Variants in MAMLD1 observed in about 807,000 individuals in gnomAD.
MAMLD1 encodes the protein mastermind like domain containing 1, also known as mastermind-like domain-containing protein 1.
In MAMLD1, 14 loss-of-function variants were observed where a neutral mutation model predicts 45.0. The ratio of observed to expected loss-of-function variants is 0.31; its 90% CI spans 0.21 to 0.49. The LOEUF is 0.49. Ranked by LOEUF, MAMLD1 falls within the 20% of genes least tolerant of loss-of-function variation. The pLI is 0.99. For synonymous variants in MAMLD1, 254 were observed against 247.8 expected (o/e 1.02, Z -0.24); for missense variants, 543 against 603.6 (o/e 0.90, Z 1.05).
chrX:150,429,035 G>T (rs2034819551), intron 1 of MAMLD1, among the ~76,000 whole-genome samples: 1 of 111,686 alleles, frequency 9.0e-6, no homozygotes, highest in Admixed American at 9.5e-5. Context: ...GATAGGTTTT[G>T]TGTTGCCAGT....
chrX:150,437,551 C>T (rs1437063968), intron 1 of MAMLD1, among the ~76,000 whole-genome samples: 1 of 111,534 alleles, frequency 9.0e-6, no homozygotes, highest in Non-Finnish European at 1.9e-5. Context: ...GGACATTCCC[C>T]TCTGTGCCTG....
chrX:150,464,605 T>C (rs1337109058), intron 3 of MAMLD1, among the ~76,000 whole-genome samples: 2 of 112,233 alleles, frequency 1.8e-5, no homozygotes, highest in Non-Finnish European at 3.8e-5. Flanking sequence ...TCATTCTGTC[T>C]TTCTCTCCTC....
In MAMLD1 at chrX:150,512,671, C is replaced by A; in HGVS notation, c.*712C>A. 1 of 1,150,347 alleles carries A rather than the reference C, an allele frequency of 8.7e-7. No homozygotes were observed. 94.8% of individuals were successfully genotyped at this position (1,150,347 alleles called of 1,213,427 possible). ...GCCCGGTGCCTGTAGCAAACACCAC[C>A]AAGTTCCTCCAGCAGGGTATGGCCA... On this transcript the variant is annotated 3_prime_UTR_variant, in exon 8 of 8. Coordinates refer to ENST00000370401, the MANE Select transcript of MAMLD1 (RefSeq NM_005491.5).
intron 6 of MAMLD1, among the ~76,000 whole-genome samples, chrX:150,503,869 T>C (rs2037644025): frequency 8.9e-6 from 1 of 112,051 alleles, no homozygotes; most frequent in Admixed American, 9.4e-5. Context: ...TGCCTGTCTG[T>C]CCCTGAGGCC....
chrX:150,365,962 T>G (rs1249517961), intron 1 of MAMLD1, among the ~76,000 whole-genome samples: 1 of 112,701 alleles, frequency 8.9e-6, no homozygotes, highest in African/African-American at 3.2e-5. Flanking sequence ...CACTGAGGAA[T>G]GTCAAATATA....
chrX:150,403,966 AAGAAAG>A (rs1221558030), intron 1 of MAMLD1, among the ~76,000 whole-genome samples: 4 of 85,333 alleles, frequency 4.7e-5, no homozygotes, highest in Admixed American at 2.4e-4. Context: ...GAAAGAAAGA[AAGAAAG>A]AAAGAAAGAA....
intron 1 of MAMLD1, among the ~76,000 whole-genome samples, chrX:150,379,398 T>A (rs1212423061): frequency 8.9e-6 from 1 of 112,081 alleles, no homozygotes; most frequent in Non-Finnish European, 1.9e-5. Context: ...TGTCTTTTCG[T>A]AAGAGTGAAT....
intron 2 of MAMLD1, among the ~76,000 whole-genome samples, chrX:150,459,218 G>C (rs1421429861): frequency 3.6e-5 from 4 of 111,498 alleles, no homozygotes; most frequent in African/African-American, 1.3e-4. Flanking sequence ...GTCACTGTGT[G>C]TTCCCCCAGG....
intron 7 of MAMLD1, among the ~76,000 whole-genome samples, chrX:150,510,888 T>C (rs1314891018): frequency 8.9e-6 from 1 of 112,041 alleles, no homozygotes; most frequent in Non-Finnish European, 1.9e-5. Context: ...TGTGTCCCAC[T>C]TGTCCAGGCT....
At chrX:150,406,417 G>A (rs184832262) in intron 1 of MAMLD1, among the ~76,000 whole-genome samples, 74 of 111,347 alleles carry the variant, frequency 6.6e-4, no homozygotes, top group African/African-American at 2.2e-3. Context: ...AGCCTTCATT[G>A]TGAGGTAGAA....
At chrX:150,398,343 G>GAAGAAAGAAGAAGAAGAA (rs1569564636) in intron 1 of MAMLD1, among the ~76,000 whole-genome samples, 20 of 56,472 alleles carry the variant, frequency 3.5e-4, no homozygotes, top group African/African-American at 1.2e-3. Flanking sequence ...AAGAAGAAGA[G>GAAGAAAGAAGAAGAAGAA]GAAGAGGAAG....
chrX:150,461,982 C>T (rs782669657), intron 2 of MAMLD1, among the ~76,000 whole-genome samples: 2 of 112,212 alleles, frequency 1.8e-5, no homozygotes, highest in African/African-American at 6.5e-5. Flanking sequence ...GAGCCTAGGA[C>T]AGGCCATACC....
At position 150,512,053 on chromosome X, in the gene MAMLD1, C is replaced by T. The variant is rs781990077; in HGVS notation, c.*94C>T. 5.4e-6 allele frequency: 6 copies of T among 1,120,241 alleles called. No individual in the cohort carries two copies. Among genetic ancestry groups the T allele is most frequent in the Non-Finnish European group, 7.0e-6 (6 of 852,507 alleles). The allele number at this position is 1,120,241 out of a possible 1,213,427, so 92.3% of individuals were successfully genotyped here. A position where few individuals can be genotyped will look rare whatever the true frequency, so the allele number is the denominator to read the frequency against. ...AGTGTAGCCGGATCAAGGCAAGCCCCCCATCTAGCAAGCACTTGATGCCAC... is the reference window on the plus strand; with the variant it reads ...AGTGTAGCCGGATCAAGGCAAGCCCTCCATCTAGCAAGCACTTGATGCCAC... On this transcript the variant is annotated 3_prime_UTR_variant, in exon 8 of 8. Coordinates refer to ENST00000370401, the MANE Select transcript of MAMLD1 (RefSeq NM_005491.5).
intron 6 of MAMLD1, among the ~76,000 whole-genome samples, chrX:150,507,534 G>A (rs1557408888): frequency 2.7e-5 from 3 of 111,989 alleles, no homozygotes; most frequent in African/African-American, 9.7e-5. Flanking sequence ...AAGGTGAAGA[G>A]ACCATGGAGG....
chrX:150,447,001 A>G, intron 2 of MAMLD1, among the ~76,000 whole-genome samples: 1 of 112,195 alleles, frequency 8.9e-6, no homozygotes, highest in East Asian at 2.8e-4. Flanking sequence ...CTCCATCAAC[A>G]CTCTTAAAAA....
chrX:150,368,542 C>A (rs1227816035), intron 1 of MAMLD1, among the ~76,000 whole-genome samples: 3 of 111,023 alleles, frequency 2.7e-5, no homozygotes, highest in Admixed American at 9.5e-5. Context: ...GTTTCTTTTG[C>A]TGTGCAGAAG....
At chrX:150,504,993 C>G (rs2037681363) in intron 6 of MAMLD1, 1 of 752,147 alleles carries the variant, frequency 1.3e-6, no homozygotes, top group Admixed American at 8.7e-5. Context: ...CGGGATCATT[C>G]CCAGCATCTA....
chrX:150,498,111 T>C (rs2037443655), intron 5 of MAMLD1, among the ~76,000 whole-genome samples: 1 of 111,321 alleles, frequency 9.0e-6, no homozygotes. Flanking sequence ...TTATTATTAA[T>C]TTACTTTACC....
At chrX:150,459,390 GTCTC>G (rs369898273) in intron 2 of MAMLD1, among the ~76,000 whole-genome samples, 3 of 108,825 alleles carry the variant, frequency 2.8e-5, no homozygotes, top group South Asian at 3.9e-4. Context: ...AGTTGGTATA[GTCTC>G]TCTCTCTCTC....
Sources: allele counts gnomAD v4.1 joint callset (sites outside exome capture counted in the v4.1 genomes callset), GRCh38; gene constraint gnomAD v4.1.1; transcripts MANE v1.5; gene names NCBI Gene and HGNC (gene_info 2026-07-23, HGNC 2026-07-21).